The following CFAP74 variants were observed in gnomAD, a reference collection of about 807,000 sequenced individuals.
The protein encoded by CFAP74 is cilia and flagella associated protein 74.
A neutral mutation model predicts 188.9 loss-of-function variants in CFAP74; 124 were observed. The observed-to-expected ratio is 0.66, with a 90% CI of 0.57 to 0.76. The LOEUF is 0.76. CFAP74 is among the 30% of genes least tolerant of loss of function. CFAP74 has a pLI of 0.00. For missense variants in CFAP74, 2,198 were observed against 2,165.2 expected, an observed-to-expected ratio of 1.02 and a Z score of -0.30; for synonymous variants, 956 against 916.7, an observed-to-expected ratio of 1.04 and a Z score of -0.77.
Position 1,968,982 on chromosome 1 carries a change from C to A in CFAP74, c.1047-149G>T. The A allele has an allele frequency of 7.5e-6, 3 of 401,248 alleles. No homozygotes were observed. In the South Asian group the frequency reaches 7.7e-5, roughly 10 times the overall value. The allele number at this position is 401,248 out of a possible 1,614,324, so 24.9% of individuals were successfully genotyped here. A position where few individuals can be genotyped will look rare whatever the true frequency, so the allele number is the denominator to read the frequency against. ...CCCAGGTGAGACAGCGCCTGGCGGCCCCTCCCTAGCTCCCTCCTGGGGACT... is the reference window on the plus strand; with the variant it reads ...CCCAGGTGAGACAGCGCCTGGCGGCACCTCCCTAGCTCCCTCCTGGGGACT... On this transcript the variant is annotated intron_variant, in intron 10 of 38. Coordinates refer to ENST00000682832, the MANE Select transcript of CFAP74 (RefSeq NM_001304360.2). The surrounding 1 kb of genome is among the most constrained non-coding windows in gnomAD (Gnocchi z 4.3).
intron 6 of CFAP74, among the ~76,000 whole-genome samples, chr1:1,978,802 G>A (rs372481285): frequency 1.5e-3 from 236 of 152,372 alleles, no homozygotes; most frequent in African/African-American, 5.5e-3. Flanking sequence ...TGGGATACGG[G>A]TGCAGTCAGG....
chr1:1,984,083 CT>C (rs1657084258), intron 6 of CFAP74: 1 of 151,710 alleles, frequency 6.6e-6, no homozygotes, highest in African/African-American at 2.4e-5. Context: ...CAACCTCTAC[CT>C]CTGGGCTCCA....
intron 2 of CFAP74, among the ~76,000 whole-genome samples, chr1:1,990,596 G>A (rs1438721652): frequency 1.3e-5 from 2 of 152,046 alleles, no homozygotes; most frequent in Non-Finnish European, 2.9e-5. Flanking sequence ...CAGCTTCCAG[G>A]AAAAGAAAAC....
intron 18 of CFAP74, among the ~76,000 whole-genome samples, chr1:1,948,103 C>T (rs1653898863): frequency 6.6e-6 from 1 of 151,812 alleles, no homozygotes; most frequent in Admixed American, 6.6e-5. Flanking sequence ...GAACTCCTGA[C>T]CTTGTGATCT....
chr1:1,960,009 CA>C lies in CFAP74; in HGVS notation c.1715del (p.Leu572ArgfsTer16). 3.1e-6 allele frequency: 5 copies of C among 1,591,980 alleles called. No homozygotes were observed. The highest frequency in any genetic ancestry group is 4.3e-6 in the Non-Finnish European group (5 of 1,171,354). ...GCACTTCACAGGACATTCCGGCTGA[CA>C]GGGGGCCAGGGGGGTCAAAGCTGCA... ...IHVDFDPPGP[L>X]SAGMSCEVLV... On this transcript the variant is annotated frameshift_variant, in exon 15 of 39. Transcript: ENST00000682832. LOFTEE classifies it high-confidence loss of function.
intron 37 of CFAP74, 80 bp downstream of exon 37, chr1:1,922,905 G>A (rs551606961): frequency 1.3e-6 from 2 of 1,508,536 alleles, no homozygotes; most frequent in East Asian, 2.3e-5. Context: ...TGAGGGGCAA[G>A]GCCAGGAGGG....
Position 1,926,692 on chromosome 1 carries a change from A to T in CFAP74, c.3732T>A (p.His1244Gln). ...CGAAGTTAAAGATGGTCTTGCCTTT[A>T]TGGGACGTCACCACAACAGATGGTG... is the stretch of plus-strand genomic sequence containing the variant. ...TVAPSVVVTS[H>Q]KGKTIFNFGD... The change falls in exon 30 of 39, where the codon CAT (histidine) becomes CAA (glutamine). Residue 1244 changes from histidine to glutamine, a missense_variant. Physicochemically the swap from His to Gln is conservative, Grantham distance 24. Transcript: ENST00000682832. 5 of 1,550,112 alleles carry T rather than the reference A, an allele frequency of 3.2e-6. No homozygotes were observed. Among genetic ancestry groups the T allele is most frequent in the African/African-American group, 1.4e-5 (1 of 73,132 alleles).
intron 16 of CFAP74, among the ~76,000 whole-genome samples, chr1:1,957,422 G>A (rs1654722892): frequency 6.6e-6 from 1 of 152,224 alleles, no homozygotes; most frequent in Non-Finnish European, 1.5e-5. Context: ...GGCGGTCGGG[G>A]TCCAGCCAAG....
At position 1,942,296 on chromosome 1, in the gene CFAP74, G is replaced by T; in HGVS notation, c.2487-140C>A. 1 of 758,418 alleles carries T rather than the reference G, an allele frequency of 1.3e-6. No individual in the cohort carries two copies. The highest frequency in any genetic ancestry group is 1.9e-6 in the Non-Finnish European group (1 of 522,024). The allele number at this position is 758,418 out of a possible 1,614,324, so 47.0% of individuals were successfully genotyped here. A position where few individuals can be genotyped will look rare whatever the true frequency, so the allele number is the denominator to read the frequency against. ...AGCCCACCCACTCCAAGCCATGCAC[G>T]TGCACCTCGACAATCGGAGTCCTCA... On this transcript the variant is annotated intron_variant, in intron 21 of 38. Coordinates refer to ENST00000682832, the MANE Select transcript of CFAP74 (RefSeq NM_001304360.2). The surrounding 1 kb of genome is among the most constrained non-coding windows in gnomAD (Gnocchi z 4.3).
chr1:1,930,042 T>G lies in CFAP74; in HGVS notation c.3288+18A>C. 1 of 1,495,182 alleles carries G rather than the reference T, an allele frequency of 6.7e-7. No homozygotes were observed. Among genetic ancestry groups the G allele is most frequent in the Admixed American group, 2.0e-5 (1 of 49,010 alleles). 92.6% of individuals were successfully genotyped at this position (1,495,182 alleles called of 1,614,324 possible). A position where few individuals can be genotyped will look rare whatever the true frequency, so the allele number is the denominator to read the frequency against. ...TGGAGCTCCTGCTTCCCAGCCTGCA[T>G]GTGGGGCCCACACCCACCTTTCCTG... On this transcript the variant is annotated intron_variant, in intron 26 of 38. Coordinates refer to ENST00000682832, the MANE Select transcript of CFAP74 (RefSeq NM_001304360.2).
chr1:1,940,320 T>C lies in CFAP74; in HGVS notation c.2699A>G (p.Asp900Gly). 7 of 1,535,614 alleles carry C rather than the reference T, an allele frequency of 4.6e-6. No homozygotes were observed. Among genetic ancestry groups the C allele is most frequent in the Non-Finnish European group, 6.1e-6 (7 of 1,146,634 alleles). Residue 900 changes from aspartate to glycine, a missense_variant, in exon 23 of 39, where the codon GAC (aspartate) becomes GGC (glycine). Coordinates refer to ENST00000682832, the MANE Select transcript of CFAP74 (RefSeq NM_001304360.2). ...GGGAAGTGCCCCAACACAGACCTGG[T>C]CGGCAACCCATATGGTCATCGGGGC... ...LEAPMTIWVA[D>G]QNKPVGFTVH...
intron 25 of CFAP74, among the ~76,000 whole-genome samples, chr1:1,933,952 G>A (rs552705945): frequency 4.4e-4 from 67 of 152,290 alleles, no homozygotes; most frequent in Middle Eastern, 3.4e-3. Flanking sequence ...CTGACAGCCC[G>A]CAGGCCTCAA....
intron 20 of CFAP74, among the ~76,000 whole-genome samples, chr1:1,945,699 G>A (rs1367024914): frequency 4.0e-5 from 6 of 151,864 alleles, no homozygotes; most frequent in African/African-American, 9.7e-5. Context: ...GTGGTGGCAC[G>A]CACCTGTAAT....
At chr1:1,924,747 G>T (rs867045903) in intron 33 of CFAP74, among the ~76,000 whole-genome samples, 40 of 152,202 alleles carry the variant, frequency 2.6e-4, no homozygotes, top group Middle Eastern at 6.3e-3. Flanking sequence ...TCCCTGCCTA[G>T]GGTGCGTGGA....
chr1:1,990,818 G>A (rs1369651197), intron 2 of CFAP74, 72 bp downstream of exon 2: 2 of 1,164,696 alleles, frequency 1.7e-6, no homozygotes, highest in African/African-American at 3.1e-5. Context: ...GGAATTAAAG[G>A]GCTACTATGA....
At chr1:1,993,981 C>CAGA (rs1553235112) in intron 1 of CFAP74, among the ~76,000 whole-genome samples, 1 of 149,944 alleles carries the variant, frequency 6.7e-6, no homozygotes, top group Non-Finnish European at 1.5e-5. Context: ...GACTCCGTCT[C>CAGA]AAAAAAAATA....
chr1:1,954,627 T>C (rs1447350859), intron 18 of CFAP74: 1 of 182,548 alleles, frequency 5.5e-6, no homozygotes, highest in South Asian at 1.6e-4. Flanking sequence ...TACAAAAAAA[T>C]ACAAAAACTA....
At chr1:1,937,135 G>A (rs1280378186) in intron 25 of CFAP74, among the ~76,000 whole-genome samples, 1 of 152,200 alleles carries the variant, frequency 6.6e-6, no homozygotes, top group African/African-American at 2.4e-5. Context: ...AAGTGATACA[G>A]GGTTGGAAAC....
intron 25 of CFAP74, among the ~76,000 whole-genome samples, chr1:1,937,475 G>A (rs1401149441): frequency 6.6e-6 from 1 of 152,146 alleles, no homozygotes; most frequent in Admixed American, 6.5e-5. Context: ...AAATGTGGGC[G>A]ATTGTTTGAT....
Sources: gnomAD v4.1 joint callset for allele counts (sites outside exome capture counted in the v4.1 genomes callset) on GRCh38, gnomAD v4.1.1 for gene constraint, Gnocchi (gnomAD v3.1) non-coding constraint, MANE v1.5 for transcripts, NCBI Gene and HGNC (gene_info 2026-07-23, HGNC 2026-07-21) for gene names.